CILK1: variants seen among roughly 807,000 people sequenced by gnomAD.
CILK1 encodes the protein serine/threonine-protein kinase ICK.
CILK1 carries 47 observed loss-of-function variants against 79.2 expected under a neutral mutation model. The observed-to-expected ratio is 0.59, with a 90% CI of 0.47 to 0.76. The LOEUF is 0.76. Among genes scored for constraint, CILK1 ranks in the 30% least tolerant of loss-of-function variants. CILK1 has a pLI of 0.00. For synonymous variants in CILK1, 266 were observed against 275.9 expected (o/e 0.96, Z 0.36); for missense variants, 660 against 769.5 (o/e 0.86, Z 1.68).
intron 1 of CILK1, among the ~76,000 whole-genome samples, chr6:53,055,163 T>C (rs948471901): frequency 1.3e-5 from 2 of 152,198 alleles, no homozygotes; most frequent in African/African-American, 4.8e-5. Flanking sequence ...TTTATCCTCC[T>C]AGGAAAAGTG....
At chr6:53,012,263 T>C in intron 9 of CILK1, 36 bp from the exon 10 acceptor site, 2 of 1,596,116 alleles carry the variant, frequency 1.3e-6, no homozygotes, top group South Asian at 1.1e-5. Flanking sequence ...AAGCAATACT[T>C]GGCATTAACA....
At chr6:53,058,111 T>G (rs1205927625) in intron 1 of CILK1, among the ~76,000 whole-genome samples, 2 of 152,212 alleles carry the variant, frequency 1.3e-5, no homozygotes, top group Non-Finnish European at 2.9e-5. Flanking sequence ...GTACTTAATG[T>G]GCAAAGATAG....
chr6:53,011,143 G>C (rs1368111186), intron 11 of CILK1, among the ~76,000 whole-genome samples: 1 of 152,146 alleles, frequency 6.6e-6, no homozygotes, highest in Non-Finnish European at 1.5e-5. Context: ...GTGTGACTAA[G>C]CTCCTACCCT....
rs540413426 is a variant in CILK1 at position 53,026,948 on chromosome 6, C to T, written c.358+4117G>A. Among the ~76,000 whole-genome samples the T allele has an allele frequency of 3.3e-5, 5 of 152,268 alleles. No individual in the cohort carries two copies. The South Asian group carries it at 1.0e-3, about 32-fold the overall frequency. ...TACTTTTTCATTAATAACCCTTGGG[C>T]AAGGAAAACATCAAGCCACAAAGAA... On this transcript the variant is annotated intron_variant, in intron 5 of 13. Transcript: ENST00000676107.
chr6:53,042,803 A>G (rs547480899), intron 1 of CILK1, among the ~76,000 whole-genome samples: 4 of 152,324 alleles, frequency 2.6e-5, no homozygotes, highest in Admixed American at 2.0e-4. Context: ...GATCCTTCAC[A>G]GGACCCTGGA....
intron 1 of CILK1, among the ~76,000 whole-genome samples, chr6:53,046,658 T>G (rs990650328): frequency 2.6e-5 from 4 of 152,234 alleles, no homozygotes; most frequent in African/African-American, 9.6e-5. Context: ...TGGATCAGAC[T>G]AGTGTCTCTT....
chr6:53,048,675 A>AG (rs11459571), intron 1 of CILK1, among the ~76,000 whole-genome samples: 142,683 of 152,274 alleles, frequency 0.94, 66,961 homozygotes, highest in East Asian at 1. Flanking sequence ...AAAAGAAGGG[A>AG]CCATGGTAGG....
chr6:53,039,667 G>T (rs564656439), intron 2 of CILK1, among the ~76,000 whole-genome samples: 1 of 152,192 alleles, frequency 6.6e-6, no homozygotes, highest in South Asian at 2.1e-4. Context: ...AGAGCTGTGC[G>T]CTACAGCTGC....
At chr6:53,019,149 A>C in intron 6 of CILK1, 78 bp downstream of exon 6, 1 of 1,365,706 alleles carries the variant, frequency 7.3e-7, no homozygotes, top group Non-Finnish European at 1.0e-6. Flanking sequence ...AACATTTGTG[A>C]CTTTAATATT....
chr6:53,046,115 C>G (rs1767059408), intron 1 of CILK1, among the ~76,000 whole-genome samples: 1 of 152,194 alleles, frequency 6.6e-6, no homozygotes, highest in Admixed American at 6.5e-5. Context: ...AAGCATGTGT[C>G]TCTCAGCCTT....
At chr6:53,027,974 G>A (rs1034993168) in intron 5 of CILK1, among the ~76,000 whole-genome samples, 4 of 152,092 alleles carry the variant, frequency 2.6e-5, no homozygotes, top group African/African-American at 9.7e-5. Context: ...GGTGAAACCC[G>A]TCTCTACTAA....
intron 1 of CILK1, among the ~76,000 whole-genome samples, chr6:53,055,941 C>T (rs916973649): frequency 2.0e-5 from 3 of 152,128 alleles, no homozygotes; most frequent in South Asian, 2.1e-4. Context: ...TGAGCTAGAA[C>T]GAGAGTCCCC....
intron 1 of CILK1, among the ~76,000 whole-genome samples, chr6:53,053,653 G>A (rs111927680): frequency 2.0e-5 from 3 of 152,196 alleles, no homozygotes; most frequent in Non-Finnish European, 4.4e-5. Context: ...GAAATCTTTG[G>A]AGGATCTGAA....
intron 8 of CILK1, among the ~76,000 whole-genome samples, chr6:53,014,797 A>ATTTTTAGCTTTTCAC (rs1764796996): frequency 1.3e-5 from 2 of 152,214 alleles, no homozygotes; most frequent in South Asian, 4.1e-4. Flanking sequence ...TGCAAGTCTT[A>ATTTTTAGCTTTTCAC]ACTGATTTGG....
chr6:53,027,152 G>A (rs1421888496), intron 5 of CILK1, among the ~76,000 whole-genome samples: 2 of 152,184 alleles, frequency 1.3e-5, no homozygotes, highest in African/African-American at 4.8e-5. Context: ...AGGCTAGAAC[G>A]ACAGCAATGC....
chr6:53,041,816 G>C (rs566436098), intron 1 of CILK1, among the ~76,000 whole-genome samples: 1 of 152,240 alleles, frequency 6.6e-6, no homozygotes, highest in Non-Finnish European at 1.5e-5. Flanking sequence ...GCCTGTCTAG[G>C]GTTGGTTCCC....
chr6:53,014,155 T>C (rs1387738996), intron 8 of CILK1, among the ~76,000 whole-genome samples, 173 bp from the exon 9 acceptor site: 1 of 152,200 alleles, frequency 6.6e-6, no homozygotes, highest in Non-Finnish European at 1.5e-5. Flanking sequence ...TAAGATACCA[T>C]AAAATATATG....
At chr6:53,029,642 A>T (rs1259626105) in intron 5 of CILK1, among the ~76,000 whole-genome samples, 1 of 152,210 alleles carries the variant, frequency 6.6e-6, no homozygotes, top group Non-Finnish European at 1.5e-5. Context: ...AATCTAAACT[A>T]GCTACTCAGG....
intron 5 of CILK1, among the ~76,000 whole-genome samples, chr6:53,019,844 T>G (rs947573773): frequency 3.6e-4 from 55 of 151,664 alleles, no homozygotes; most frequent in African/African-American, 1.2e-3. Context: ...TTTTTTTTTT[T>G]TTGTTTTTGT....
Sources: gnomAD v4.1 joint callset for allele counts (sites outside exome capture counted in the v4.1 genomes callset) on GRCh38, gnomAD v4.1.1 for gene constraint, MANE v1.5 for transcripts, NCBI Gene and HGNC (gene_info 2026-07-23, HGNC 2026-07-21) for gene names.